Variants in ASCC3 observed in about 807,000 individuals in gnomAD.
The protein encoded by ASCC3 is ASC-1 complex subunit P200.
Under a neutral mutation model 256.3 loss-of-function variants are expected in ASCC3, and 158 were observed. The observed-to-expected ratio is 0.62, with a 90% CI of 0.54 to 0.70. The LOEUF is 0.70. Among genes scored for constraint, ASCC3 ranks in the 30% least tolerant of loss-of-function variants. The pLI, the probability that ASCC3 is intolerant of heterozygous loss-of-function variation, is 0.00. For missense variants in ASCC3, 2,259 were observed against 2,626.0 expected, an observed-to-expected ratio of 0.86 and a Z score of 3.05; for synonymous variants, 948 against 883.4, an observed-to-expected ratio of 1.07 and a Z score of -1.30.
chr6:100,516,285 C>T lies in ASCC3; in HGVS notation c.5970G>A (p.Arg1990=). The part of the protein sequence containing the change: ...PIMKGPHARG[R]TSIESLPELI... ...GTTCAGGAAGGGACTCGATGGAGGTCCGACCCCTAGCATGTGGGCCCTTCA... is the reference window on the plus strand; with the variant it reads ...GTTCAGGAAGGGACTCGATGGAGGTTCGACCCCTAGCATGTGGGCCCTTCA... Residue 1990 remains arginine (R), a synonymous_variant, in exon 39 of 42, where the codon CGG becomes CGA. Transcript: ENST00000369162. 1 of 1,613,756 alleles carries T rather than the reference C, an allele frequency of 6.2e-7. No homozygotes were observed. Among genetic ancestry groups the T allele is most frequent in the Non-Finnish European group, 8.5e-7 (1 of 1,179,724 alleles).
chr6:100,725,067 G>C lies in ASCC3; in HGVS notation c.1902+472C>G, dbSNP rs1582763382. ...GGGATAAGTAAGTTAAAGTTATTAA[G>C]AAGATAAGTGATTAGTCATGGAATC... is the stretch of plus-strand genomic sequence containing the variant. On this transcript the variant is annotated intron_variant, in intron 11 of 41. Coordinates refer to ENST00000369162, the MANE Select transcript of ASCC3 (RefSeq NM_006828.4). 2.0e-5 allele frequency among the ~76,000 whole-genome samples: 3 copies of C among 152,056 alleles called. No homozygotes were observed. The East Asian group carries it at 5.8e-4, about 29-fold the overall frequency.
chr6:100,850,278 C>A (rs865318), intron 3 of ASCC3, among the ~76,000 whole-genome samples: 107,189 of 151,766 alleles, frequency 0.71, 38,083 homozygotes, highest in East Asian at 0.75. Context: ...AGAATTTCTT[C>A]ACCAAAAACC....
intron 14 of ASCC3, among the ~76,000 whole-genome samples, chr6:100,674,538 G>A (rs1227689655): frequency 2.0e-5 from 3 of 151,016 alleles, no homozygotes; most frequent in African/African-American, 7.3e-5. Flanking sequence ...GTTTTAAACT[G>A]TTATCTTCTT....
Position 100,829,948 on chromosome 6 carries a change from C to G in ASCC3, c.801+18200G>C, listed in dbSNP as rs532194034. Among the ~76,000 whole-genome samples, 7 of 151,960 alleles carry G rather than the reference C, an allele frequency of 4.6e-5. No individual in the cohort carries two copies. The South Asian group carries it at 1.5e-3, about 32-fold the overall frequency. Reference sequence around the variant, plus strand: ...ATACTGCAACAGTCGATCTGATAACCAAGAAGAAATCAGCTAATATGATAA... The same window carrying G: ...ATACTGCAACAGTCGATCTGATAACGAAGAAGAAATCAGCTAATATGATAA... On this transcript the variant is annotated intron_variant, in intron 4 of 41. Coordinates refer to ENST00000369162, the MANE Select transcript of ASCC3 (RefSeq NM_006828.4).
intron 4 of ASCC3, among the ~76,000 whole-genome samples, chr6:100,847,053 C>T (rs1330314785): frequency 1.3e-5 from 2 of 152,068 alleles, no homozygotes; most frequent in African/African-American, 4.8e-5. Context: ...CCCCTTCCAA[C>T]AATCAGATTC....
At chr6:100,780,716 G>C (rs1034499289) in intron 8 of ASCC3, among the ~76,000 whole-genome samples, 1 of 152,112 alleles carries the variant, frequency 6.6e-6, no homozygotes, top group Non-Finnish European at 1.5e-5. Context: ...ATAAAAACAA[G>C]GAAACAAGTA....
chr6:100,540,927 T>A (rs1049341919), intron 36 of ASCC3, among the ~76,000 whole-genome samples: 2 of 152,112 alleles, frequency 1.3e-5, no homozygotes, highest in African/African-American at 4.8e-5. Context: ...AGCAGAATTA[T>A]TACTTACTAT....
chr6:100,832,340 C>A (rs1476815095), intron 4 of ASCC3, among the ~76,000 whole-genome samples: 2 of 151,980 alleles, frequency 1.3e-5, no homozygotes, highest in Admixed American at 1.3e-4. Context: ...TAATTGCCAA[C>A]AAACTATTAT....
At chr6:100,694,605 T>A (rs1777996852) in intron 13 of ASCC3, among the ~76,000 whole-genome samples, 1 of 152,186 alleles carries the variant, frequency 6.6e-6, no homozygotes, top group South Asian at 2.1e-4. Flanking sequence ...AAGTGGAAAG[T>A]ACAAAATTAG....
intron 30 of ASCC3, among the ~76,000 whole-genome samples, chr6:100,624,504 T>C (rs770823496): frequency 9.2e-5 from 14 of 152,026 alleles, no homozygotes; most frequent in Non-Finnish European, 2.1e-4. Context: ...GTTACTCTCA[T>C]ATATTTCTGA....
intron 37 of ASCC3, among the ~76,000 whole-genome samples, chr6:100,537,336 G>A (rs1775208211): frequency 6.6e-6 from 1 of 152,040 alleles, no homozygotes; most frequent in Admixed American, 6.6e-5. Context: ...CAAACTGTGG[G>A]ATAACTCCAT....
chr6:100,763,644 T>C (rs1053812268), intron 10 of ASCC3, among the ~76,000 whole-genome samples: 1 of 152,150 alleles, frequency 6.6e-6, no homozygotes, highest in African/African-American at 2.4e-5. Context: ...CTAGATAAAA[T>C]GGTTTACTTA....
chr6:100,541,322 A>C (rs571564323), intron 36 of ASCC3, among the ~76,000 whole-genome samples: 1 of 152,236 alleles, frequency 6.6e-6, no homozygotes, highest in East Asian at 1.9e-4. Flanking sequence ...AAAACCTATG[A>C]AACAGTGGTC....
At chr6:100,880,301 A>C (rs1171133563) in intron 1 of ASCC3, among the ~76,000 whole-genome samples, 1 of 152,220 alleles carries the variant, frequency 6.6e-6, no homozygotes, top group Non-Finnish European at 1.5e-5. Context: ...AAAGGATTTC[A>C]ATCTATGAAA....
chr6:100,603,204 C>T (rs1388882672), intron 33 of ASCC3, among the ~76,000 whole-genome samples: 1 of 151,744 alleles, frequency 6.6e-6, no homozygotes, highest in Non-Finnish European at 1.5e-5. Flanking sequence ...CTATGTAATA[C>T]ATAAAATAAT....
chr6:100,791,734 A>G (rs1769358303), intron 8 of ASCC3, among the ~76,000 whole-genome samples: 1 of 152,002 alleles, frequency 6.6e-6, no homozygotes, highest in Non-Finnish European at 1.5e-5. Flanking sequence ...GCACTTTTTT[A>G]TTCAGAAAAT....
chr6:100,820,237 C>T (rs1008216415), intron 4 of ASCC3, among the ~76,000 whole-genome samples: 4 of 152,174 alleles, frequency 2.6e-5, no homozygotes, highest in African/African-American at 9.7e-5. Flanking sequence ...TTTCATACTT[C>T]TAACTTACTA....
intron 14 of ASCC3, among the ~76,000 whole-genome samples, chr6:100,665,565 A>G (rs1471042687): frequency 6.6e-6 from 1 of 150,974 alleles, no homozygotes; most frequent in East Asian, 2.0e-4. Flanking sequence ...TCTACTAACA[A>G]AAACAAACAA....
intron 36 of ASCC3, among the ~76,000 whole-genome samples, chr6:100,576,577 C>T (rs1770873627): frequency 6.6e-6 from 1 of 151,874 alleles, no homozygotes. Context: ...AATTCAATTT[C>T]GTTATTTATA....
Sources: gnomAD v4.1 joint callset for allele counts (sites outside exome capture counted in the v4.1 genomes callset) on GRCh38, gnomAD v4.1.1 for gene constraint, MANE v1.5 for transcripts, NCBI Gene and HGNC (gene_info 2026-07-23, HGNC 2026-07-21) for gene names.